Variants in SH3D19 observed in about 807,000 individuals in gnomAD.
SH3D19 encodes SH3 domain-containing protein 19.
A neutral mutation model predicts 112.1 loss-of-function variants in SH3D19; 58 were observed. The ratio of observed to expected loss-of-function variants is 0.52; its 90% CI spans 0.42 to 0.64. The LOEUF is 0.64. Among genes scored for constraint, SH3D19 ranks in the 30% least tolerant of loss-of-function variants. The pLI is 0.00. For missense variants in SH3D19, 1,090 were observed against 1,263.4 expected (o/e 0.86, Z 2.08); for synonymous variants, 391 against 448.5 (o/e 0.87, Z 1.62).
chr4:151,191,317 G>A (rs1762590017), intron 2 of SH3D19, among the ~76,000 whole-genome samples: 1 of 152,146 alleles, frequency 6.6e-6, no homozygotes. Flanking sequence ...AAGACTTTGG[G>A]GGACTCTTAC....
chr4:151,122,659 AAC>A (rs1748236077), intron 19 of SH3D19, among the ~76,000 whole-genome samples: 1 of 152,160 alleles, frequency 6.6e-6, no homozygotes, highest in South Asian at 2.1e-4. Context: ...TGGGATTGCC[AAC>A]TCATTAGGGC....
At position 151,139,760 on chromosome 4, in the gene SH3D19, T is replaced by C. The variant is rs549417804; in HGVS notation, c.2296+15A>G. The stretch of plus-strand genomic sequence containing the variant: ...GGATCCTGTGGTTCTCCCACTGCAT[T>C]ATTTACATCCTTACCTGCTGGGAAA... On this transcript the variant is annotated intron_variant, in intron 13 of 19. Coordinates refer to ENST00000604030, the MANE Select transcript of SH3D19 (RefSeq NM_001378122.1). The C allele has an allele frequency of 2.5e-6, 4 of 1,612,838 alleles. No individual in the cohort carries two copies. The Admixed American group carries it at 5.0e-5, about 20-fold the overall frequency.
chr4:151,165,110 T>C (rs1420338833), intron 8 of SH3D19, among the ~76,000 whole-genome samples: 2 of 152,308 alleles, frequency 1.3e-5, no homozygotes, highest in African/African-American at 2.4e-5. Flanking sequence ...CTCTATTCTC[T>C]GTCTAAAGAC....
At chr4:151,205,333 A>G (rs1764949529) in intron 2 of SH3D19, among the ~76,000 whole-genome samples, 1 of 152,114 alleles carries the variant, frequency 6.6e-6, no homozygotes, top group African/African-American at 2.4e-5. Flanking sequence ...GCTACACTTG[A>G]AGATTGTTTG....
At chr4:151,197,751 A>T (rs202138269) in intron 2 of SH3D19, among the ~76,000 whole-genome samples, 1 of 42,654 alleles carries the variant, frequency 2.3e-5, no homozygotes, top group Non-Finnish European at 1.5e-4. Flanking sequence ...ATTAAAATAA[A>T]ACTAATAAGG....
intron 1 of SH3D19, among the ~76,000 whole-genome samples, chr4:151,313,829 G>GT (rs1453407424): frequency 3.9e-5 from 6 of 152,168 alleles, no homozygotes; most frequent in Non-Finnish European, 8.8e-5. Context: ...GAAACAAAGG[G>GT]TGTGGTAGCA....
intron 3 of SH3D19, among the ~76,000 whole-genome samples, chr4:151,180,920 T>C (rs1404582587): frequency 3.3e-5 from 4 of 122,632 alleles, no homozygotes; most frequent in Non-Finnish European, 5.3e-5. Context: ...CCTGCCACCA[T>C]GCCCGGCTAT....
intron 2 of SH3D19, among the ~76,000 whole-genome samples, chr4:151,189,974 C>A (rs565025513): frequency 7.2e-5 from 11 of 152,186 alleles, no homozygotes; most frequent in Admixed American, 4.6e-4. Flanking sequence ...TGGCTTTGCC[C>A]AAAATGCTGA....
intron 1 of SH3D19, among the ~76,000 whole-genome samples, chr4:151,241,162 C>G (rs1292752269): frequency 6.6e-6 from 1 of 151,736 alleles, no homozygotes; most frequent in Non-Finnish European, 1.5e-5. Context: ...CGTGGTGGCA[C>G]ATGCCTGTAG....
chr4:151,183,004 C>T (rs7694854), intron 3 of SH3D19, among the ~76,000 whole-genome samples: 122,324 of 146,636 alleles, frequency 0.83, 52,427 homozygotes, highest in Non-Finnish European at 0.95. Context: ...TTTTTTTTTT[C>T]TTTTTGAGCT....
chr4:151,257,888 T>C (rs1772060057), intron 1 of SH3D19, among the ~76,000 whole-genome samples: 1 of 152,014 alleles, frequency 6.6e-6, no homozygotes, highest in South Asian at 2.1e-4. Flanking sequence ...CTAGCCTAGG[T>C]AAGAGAGTGA....
intron 8 of SH3D19, among the ~76,000 whole-genome samples, chr4:151,164,461 T>C (rs992048310): frequency 2.0e-5 from 3 of 152,152 alleles, no homozygotes; most frequent in Non-Finnish European, 4.4e-5. Context: ...ATAATAAATA[T>C]CAGATTTCTT....
At chr4:151,220,654 T>C (rs1253161925) in intron 2 of SH3D19, among the ~76,000 whole-genome samples, 1 of 152,218 alleles carries the variant, frequency 6.6e-6, no homozygotes, top group Non-Finnish European at 1.5e-5. Context: ...TCCATGGTAC[T>C]TTTTCCTAGA....
chr4:151,136,837 A>G (rs1751952904), intron 14 of SH3D19, among the ~76,000 whole-genome samples: 1 of 152,246 alleles, frequency 6.6e-6, no homozygotes, highest in African/African-American at 2.4e-5. Context: ...ACAATGTTTA[A>G]TGCCTACCCT....
intron 2 of SH3D19, among the ~76,000 whole-genome samples, chr4:151,216,455 GTTTAACCAACAT>G (rs1480113967): frequency 6.6e-6 from 1 of 152,138 alleles, no homozygotes; most frequent in Non-Finnish European, 1.5e-5. Context: ...ACTACAGGCT[GTTTAACCAACAT>G]TTTGTAGAAC....
intron 18 of SH3D19, 90 bp downstream of exon 18, chr4:151,128,080 A>T (rs1294070971): frequency 3.4e-5 from 36 of 1,061,470 alleles, no homozygotes; most frequent in Non-Finnish European, 4.5e-5. Flanking sequence ...AGACAAACTG[A>T]GCATGGCCAG....
intron 1 of SH3D19, among the ~76,000 whole-genome samples, chr4:151,261,691 A>G (rs556362256): frequency 1.3e-5 from 2 of 152,184 alleles, no homozygotes; most frequent in African/African-American, 4.8e-5. Context: ...TGCCTCTTTC[A>G]TATTTCTTCT....
intron 1 of SH3D19, among the ~76,000 whole-genome samples, chr4:151,258,222 A>G (rs1041020316): frequency 2.6e-5 from 4 of 152,198 alleles, no homozygotes; most frequent in African/African-American, 9.6e-5. Flanking sequence ...CATATTTGCT[A>G]CCTAAGGAAG....
At chr4:151,317,306 G>A (rs1039987283) in intron 1 of SH3D19, among the ~76,000 whole-genome samples, 1 of 152,188 alleles carries the variant, frequency 6.6e-6, no homozygotes, top group African/African-American at 2.4e-5. Context: ...AAAGTTGGAA[G>A]CCTCATCCTT....
Sources: allele counts gnomAD v4.1 joint callset (sites outside exome capture counted in the v4.1 genomes callset), GRCh38; gene constraint gnomAD v4.1.1; transcripts MANE v1.5; gene names NCBI Gene and HGNC (gene_info 2026-07-23, HGNC 2026-07-21).